Variants in GRIA4 observed in about 807,000 individuals in gnomAD.
GRIA4 encodes the protein glutamate receptor 4.
In GRIA4, 34 loss-of-function variants were observed where a neutral mutation model predicts 104.0. The observed-to-expected ratio is 0.33, with a 90% CI of 0.25 to 0.44. The LOEUF (loss-of-function observed/expected upper bound fraction) is 0.44, where lower values mean the gene tolerates loss of function less well. Among genes scored for constraint, GRIA4 ranks in the 20% least tolerant of loss-of-function variants. The probability of loss-of-function intolerance (pLI) is 1.00; values close to 1 mark genes in which losing one functional copy is unlikely to be tolerated. For synonymous variants in GRIA4, 386 were observed against 381.9 expected, an observed-to-expected ratio of 1.01 and a Z score of -0.13; for missense variants, 750 against 1,096.5, an observed-to-expected ratio of 0.68 and a Z score of 4.46.
chr11:105,611,667 C>A (rs577556648), intron 2 of GRIA4, among the ~76,000 whole-genome samples: 1 of 152,192 alleles, frequency 6.6e-6, no homozygotes, highest in South Asian at 2.1e-4. Flanking sequence ...TTCTCTACCT[C>A]GACTCTGTTT....
chr11:105,878,896 T>A (rs1301638894), intron 5 of GRIA4, among the ~76,000 whole-genome samples: 1 of 151,616 alleles, frequency 6.6e-6, no homozygotes, highest in East Asian at 1.9e-4. Context: ...TCCAGAGGAG[T>A]AAATGGTTCT....
At chr11:105,655,199 CAT>C (rs1177041089) in intron 3 of GRIA4, among the ~76,000 whole-genome samples, 3 of 152,108 alleles carry the variant, frequency 2.0e-5, no homozygotes, top group African/African-American at 4.8e-5. Flanking sequence ...ACATTATACA[CAT>C]GATTATTAGT....
chr11:105,804,635 G>A (rs1419202813), intron 4 of GRIA4, among the ~76,000 whole-genome samples: 1 of 151,916 alleles, frequency 6.6e-6, no homozygotes, highest in East Asian at 1.9e-4. Context: ...GGAATGAAGG[G>A]AAAAATTATT....
chr11:105,913,530 T>C (rs1947316480), intron 10 of GRIA4: 14 of 806,196 alleles, frequency 1.7e-5, no homozygotes, highest in Non-Finnish European at 2.1e-5. Context: ...ACTTTTTGTA[T>C]TAAAAGTAAT....
At chr11:105,766,783 C>T (rs1940967071) in intron 4 of GRIA4, among the ~76,000 whole-genome samples, 1 of 152,062 alleles carries the variant, frequency 6.6e-6, no homozygotes, top group Non-Finnish European at 1.5e-5. Context: ...ACCAGGAACA[C>T]CCTATCCCAC....
At chr11:105,675,052 G>C (rs977441153) in intron 3 of GRIA4, among the ~76,000 whole-genome samples, 3 of 151,812 alleles carry the variant, frequency 2.0e-5, no homozygotes, top group Non-Finnish European at 4.4e-5. Flanking sequence ...AGTTCTTATA[G>C]TAGCTGACAG....
intron 3 of GRIA4, among the ~76,000 whole-genome samples, chr11:105,659,860 C>T (rs1951954408): frequency 6.6e-6 from 1 of 151,582 alleles, no homozygotes; most frequent in Non-Finnish European, 1.5e-5. Flanking sequence ...AGAAGATGCA[C>T]TTAAAACAAA....
chr11:105,896,280 G>C (rs1391987157), intron 6 of GRIA4, among the ~76,000 whole-genome samples: 1 of 151,700 alleles, frequency 6.6e-6, no homozygotes, highest in African/African-American at 2.4e-5. Context: ...GGGTTATTTG[G>C]TTTTTATTTG....
intron 6 of GRIA4, among the ~76,000 whole-genome samples, chr11:105,893,190 G>A (rs927743636): frequency 6.6e-6 from 1 of 152,034 alleles, no homozygotes; most frequent in Non-Finnish European, 1.5e-5. Context: ...CCTGCCCTCA[G>A]AGACTTTATT....
At chr11:105,899,275 CT>C (rs1170415145) in intron 7 of GRIA4, among the ~76,000 whole-genome samples, 1 of 152,166 alleles carries the variant, frequency 6.6e-6, no homozygotes, top group Admixed American at 6.5e-5. Context: ...TCTTCACTGC[CT>C]TATAAAATCA....
At chr11:105,680,753 G>A (rs143411212) in intron 3 of GRIA4, among the ~76,000 whole-genome samples, 1 of 152,200 alleles carries the variant, frequency 6.6e-6, no homozygotes, top group East Asian at 1.9e-4. Context: ...CTAATTTTCT[G>A]GCAGGAAGTA....
intron 3 of GRIA4, among the ~76,000 whole-genome samples, chr11:105,725,600 G>A (rs1938146912): frequency 6.6e-6 from 1 of 152,076 alleles, no homozygotes; most frequent in South Asian, 2.1e-4. Flanking sequence ...TGGAAAGCAG[G>A]GGCAAGATGG....
At chr11:105,871,797 T>C (rs1237282290) in intron 5 of GRIA4, among the ~76,000 whole-genome samples, 2 of 152,046 alleles carry the variant, frequency 1.3e-5, no homozygotes, top group South Asian at 2.1e-4. Context: ...TGTAAAACCC[T>C]GACCAAAAAT....
At chr11:105,829,991 TA>T (rs1486054489) in intron 4 of GRIA4, among the ~76,000 whole-genome samples, 2 of 152,058 alleles carry the variant, frequency 1.3e-5, no homozygotes, top group East Asian at 3.9e-4. Flanking sequence ...TAGACCTGGC[TA>T]AAATCTAAGC....
intron 10 of GRIA4, 134 bp from the exon 11 acceptor site, chr11:105,918,578 T>C (rs2136183863): frequency 5.1e-6 from 3 of 586,380 alleles, no homozygotes; most frequent in Non-Finnish European, 9.2e-6. Context: ...ATTATTGACT[T>C]CTAGCTACAC....
rs528416890 is a variant in GRIA4 at position 105,702,260 on chromosome 11, T to C, written c.248-50721T>C. On this transcript the variant is annotated intron_variant, in intron 3 of 16. Transcript: ENST00000282499. ...AAGAGAAGCTATCTCTATCTACACT[T>C]TCAATGATAAACCATAATGTTTTAT... Among the ~76,000 whole-genome samples the C allele has an allele frequency of 9.7e-4, 147 of 152,250 alleles. 1 individual carries two copies. The highest frequency in any genetic ancestry group is 2.9e-3 in the South Asian group (14 of 4,826).
Position 105,743,586 on chromosome 11 carries a change from C to T in GRIA4, c.248-9395C>T, listed in dbSNP as rs530278737. ...TCACAGTCATTTCCTTCAAAATCTACATATTTAAACCATTTCTTCTTGCTC... is the reference window on the plus strand; with the variant it reads ...TCACAGTCATTTCCTTCAAAATCTATATATTTAAACCATTTCTTCTTGCTC... On this transcript the variant is annotated intron_variant, in intron 3 of 16. Transcript: ENST00000282499. Among the ~76,000 whole-genome samples the T allele has an allele frequency of 2.0e-5, 3 of 152,282 alleles. No individual in the cohort carries two copies. The East Asian group carries it at 5.8e-4, about 29-fold the overall frequency.
chr11:105,829,388 C>T (rs1943890768), intron 4 of GRIA4, among the ~76,000 whole-genome samples: 1 of 151,974 alleles, frequency 6.6e-6, no homozygotes, highest in African/African-American at 2.4e-5. Context: ...CATCTTCTTA[C>T]TCAGCCAGTC....
intron 3 of GRIA4, among the ~76,000 whole-genome samples, chr11:105,676,412 A>G (rs2135452585): frequency 6.6e-6 from 1 of 151,892 alleles, no homozygotes; most frequent in South Asian, 2.1e-4. Flanking sequence ...ATGACTAAAA[A>G]AACTATTTTG....
Sources: gnomAD v4.1 joint callset for allele counts (sites outside exome capture counted in the v4.1 genomes callset) on GRCh38, gnomAD v4.1.1 for gene constraint, MANE v1.5 for transcripts, NCBI Gene and HGNC (gene_info 2026-07-23, HGNC 2026-07-21) for gene names.